Variants in ZUP1 observed in about 807,000 individuals in gnomAD.
The protein encoded by ZUP1 is zinc finger containing ubiquitin peptidase 1, also known as zinc finger-containing ubiquitin peptidase 1.
Under a neutral mutation model 68.1 loss-of-function variants are expected in ZUP1, and 55 were observed. That is an observed-to-expected ratio of 0.81 (90% CI 0.65 to 1.01). The LOEUF (loss-of-function observed/expected upper bound fraction) is 1.01, where lower values mean the gene tolerates loss of function less well. Among genes scored for constraint, ZUP1 ranks in the 50% least tolerant of loss-of-function variants. The probability of loss-of-function intolerance (pLI) is 0.00; values close to 1 mark genes in which losing one functional copy is unlikely to be tolerated. For synonymous variants in ZUP1, 223 were observed against 221.5 expected, an observed-to-expected ratio of 1.01 and a Z score of -0.06; for missense variants, 684 against 674.9, an observed-to-expected ratio of 1.01 and a Z score of -0.15.
chr6:116,662,830 C>G (rs887201068), intron 2 of ZUP1, among the ~76,000 whole-genome samples: 2 of 152,142 alleles, frequency 1.3e-5, no homozygotes, highest in Non-Finnish European at 2.9e-5. Flanking sequence ...CTGTTTTAAG[C>G]CCCATTTTTG....
intron 5 of ZUP1, among the ~76,000 whole-genome samples, chr6:116,655,006 G>C (rs982865070): frequency 6.6e-6 from 1 of 152,182 alleles, no homozygotes; most frequent in Non-Finnish European, 1.5e-5. Context: ...TGTAATACTA[G>C]AGAAACGCCT....
chr6:116,636,667 C>T (rs552301729), intron 9 of ZUP1, among the ~76,000 whole-genome samples: 1 of 152,216 alleles, frequency 6.6e-6, no homozygotes, highest in South Asian at 2.1e-4. Context: ...AAACCAATCA[C>T]TCTCTTTCTA....
At chr6:116,655,521 T>A (rs989867591) in intron 5 of ZUP1, among the ~76,000 whole-genome samples, 83 of 152,298 alleles carry the variant, frequency 5.4e-4, no homozygotes, top group African/African-American at 1.9e-3. Context: ...GTGTTGAAGC[T>A]TTAAAAACTT....
chr6:116,636,530 A>G (rs1310224050), intron 9 of ZUP1, among the ~76,000 whole-genome samples: 1 of 152,166 alleles, frequency 6.6e-6, no homozygotes, highest in African/African-American at 2.4e-5. Context: ...AAATCCTTTC[A>G]CCTAAACAAT....
chr6:116,655,514 T>C (rs1776635761), intron 5 of ZUP1, among the ~76,000 whole-genome samples: 1 of 152,194 alleles, frequency 6.6e-6, no homozygotes, highest in Non-Finnish European at 1.5e-5. Flanking sequence ...ATCAAAGGTG[T>C]TGAAGCTTTA....
chr6:116,642,221 G>C (rs1007931555), intron 9 of ZUP1, among the ~76,000 whole-genome samples: 3 of 152,054 alleles, frequency 2.0e-5, no homozygotes, highest in African/African-American at 7.2e-5. Flanking sequence ...AAGAGTCCAG[G>C]ACCAGATGGA....
At chr6:116,667,612 T>C (rs1777051473) in intron 1 of ZUP1, among the ~76,000 whole-genome samples, 1 of 152,214 alleles carries the variant, frequency 6.6e-6, no homozygotes, top group East Asian at 1.9e-4. Flanking sequence ...AATAAACACA[T>C]CTTACAAGTA....
chr6:116,648,727 C>T (rs187719091), intron 7 of ZUP1, among the ~76,000 whole-genome samples: 12 of 151,902 alleles, frequency 7.9e-5, no homozygotes, highest in Non-Finnish European at 1.3e-4. Context: ...TTTGAGAGGC[C>T]AAGGCGGGTG....
At chr6:116,643,250 T>C in intron 9 of ZUP1, among the ~76,000 whole-genome samples, 1 of 152,040 alleles carries the variant, frequency 6.6e-6, no homozygotes, top group Non-Finnish European at 1.5e-5. Flanking sequence ...ATCGTGAAAA[T>C]GGCCATACTG....
At chr6:116,643,006 A>C (rs1480770389) in intron 9 of ZUP1, among the ~76,000 whole-genome samples, 1 of 152,200 alleles carries the variant, frequency 6.6e-6, no homozygotes, top group Non-Finnish European at 1.5e-5. Context: ...ATACAAAATC[A>C]ACGTACAAAA....
At chr6:116,644,058 C>CAT in intron 9 of ZUP1, among the ~76,000 whole-genome samples, 1 of 152,296 alleles carries the variant, frequency 6.6e-6, no homozygotes, top group South Asian at 2.1e-4. Context: ...CAAAAGAAGA[C>CAT]ATTTATGCAG....
chr6:116,640,042 C>A (rs1776040883), intron 9 of ZUP1, among the ~76,000 whole-genome samples: 1 of 152,108 alleles, frequency 6.6e-6, no homozygotes, highest in South Asian at 2.1e-4. Flanking sequence ...GTGAAGAATG[C>A]AGAAGCCTCA....
At position 116,641,485 on chromosome 6, in the gene ZUP1, C is replaced by T. The variant is rs1776097642; in HGVS notation, c.1689+4229G>A. Among the ~76,000 whole-genome samples, 5 of 152,032 alleles carry T rather than the reference C, an allele frequency of 3.3e-5. No individual in the cohort carries two copies. The South Asian group carries it at 1.0e-3, about 32-fold the overall frequency. ...GTAAAAGAACAGAAATTATAACAAA[C>T]TGTCTCTCAGACCACAGTGCAAGCA... On this transcript the variant is annotated intron_variant, in intron 9 of 9. Transcript: ENST00000368576.
At position 116,663,730 on chromosome 6, in the gene ZUP1, C is replaced by A. The variant is rs560551002; in HGVS notation, c.560-2884G>T. Among the ~76,000 whole-genome samples, 41 of 152,136 alleles carry A rather than the reference C, an allele frequency of 2.7e-4. 1 individual carries two copies. Among genetic ancestry groups the A allele is most frequent in the Middle Eastern group, 6.8e-3 (2 of 294 alleles). ...CTGAGGAAGGAAGACTGCTTGAGCACAGGAGTTCAAGACCAGCCTGAGTAA... is the reference window on the plus strand; with the variant it reads ...CTGAGGAAGGAAGACTGCTTGAGCAAAGGAGTTCAAGACCAGCCTGAGTAA... On this transcript the variant is annotated intron_variant, in intron 2 of 9. Transcript: ENST00000368576.
chr6:116,651,162 T>C (rs1562405072), intron 7 of ZUP1, among the ~76,000 whole-genome samples: 1 of 152,022 alleles, frequency 6.6e-6, no homozygotes, highest in Non-Finnish European at 1.5e-5. Context: ...TATAAATGAT[T>C]TTAGAAAAAA....
rs575576943 is a variant in ZUP1, at chr6:116,644,164, T to G, written c.1689+1550A>C. ...ATACCATCTCACACCAGTTAGAATG[T>G]CAATCATTAAAAAGTCAGGAAACAA... On this transcript the variant is annotated intron_variant, in intron 9 of 9. Coordinates refer to ENST00000368576, the MANE Select transcript of ZUP1 (RefSeq NM_145062.3). 2.3e-3 allele frequency among the ~76,000 whole-genome samples: 347 copies of G among 152,120 alleles called. 2 individuals are homozygous for G. Among genetic ancestry groups the G allele is most frequent in the African/African-American group, 6.3e-3 (262 of 41,486 alleles).
chr6:116,661,540 T>C (rs1776842165), intron 2 of ZUP1, among the ~76,000 whole-genome samples: 1 of 152,184 alleles, frequency 6.6e-6, no homozygotes, highest in Admixed American at 6.5e-5. Context: ...GGGGTAATAC[T>C]GTCTACACAG....
intron 3 of ZUP1, 105 bp downstream of exon 3, chr6:116,660,631 A>G (rs1280550541): frequency 3.4e-6 from 2 of 596,040 alleles, no homozygotes; most frequent in African/African-American, 4.0e-5. Flanking sequence ...AAAGGAAAAG[A>G]TGTATTTTAA....
intron 4 of ZUP1, 95 bp downstream of exon 4, chr6:116,658,708 G>T (rs1386154580): frequency 4.0e-6 from 5 of 1,251,248 alleles, no homozygotes; most frequent in East Asian, 2.7e-5. Flanking sequence ...AATTTTTTTT[G>T]AATAATAACA....
Sources: allele counts gnomAD v4.1 joint callset (sites outside exome capture counted in the v4.1 genomes callset), GRCh38; gene constraint gnomAD v4.1.1; transcripts MANE v1.5; gene names NCBI Gene and HGNC (gene_info 2026-07-23, HGNC 2026-07-21).